Variants in CDC42BPA observed in about 807,000 individuals in gnomAD.
CDC42BPA encodes the protein CDC42 binding protein kinase alpha, also known as serine/threonine-protein kinase MRCK alpha.
A neutral mutation model predicts 223.5 loss-of-function variants in CDC42BPA; 80 were observed. The observed-to-expected ratio is 0.36, with a 90% CI of 0.30 to 0.43. The LOEUF is 0.43. CDC42BPA is among the 20% of genes least tolerant of loss of function. CDC42BPA has a pLI of 1.00. For synonymous variants in CDC42BPA, 694 were observed against 718.6 expected (o/e 0.97, Z 0.55); for missense variants, 1,743 against 2,099.9 (o/e 0.83, Z 3.32).
chr1:227,257,127 G>T (rs1035937716), intron 1 of CDC42BPA, among the ~76,000 whole-genome samples: 2 of 152,050 alleles, frequency 1.3e-5, no homozygotes, highest in Admixed American at 6.6e-5. Context: ...GAAATATCTA[G>T]AATAGGCAAA....
At chr1:227,201,519 T>G (rs930742390) in intron 3 of CDC42BPA, among the ~76,000 whole-genome samples, 1 of 152,172 alleles carries the variant, frequency 6.6e-6, no homozygotes. Context: ...TGACAGAAAC[T>G]TCAAAGATAA....
At chr1:227,222,315 C>A (rs1016500590) in intron 2 of CDC42BPA, among the ~76,000 whole-genome samples, 1 of 152,128 alleles carries the variant, frequency 6.6e-6, no homozygotes, top group Non-Finnish European at 1.5e-5. Context: ...TTGAGACCAG[C>A]CTGGCCAACT....
chr1:227,097,887 C>T (rs903646438), intron 15 of CDC42BPA, among the ~76,000 whole-genome samples: 7 of 152,160 alleles, frequency 4.6e-5, no homozygotes, highest in African/African-American at 1.7e-4. Context: ...CCCACAGAAG[C>T]ATGCCAAGTC....
At chr1:227,287,643 C>CTAGGCAGAGGG (rs1689022117) in intron 1 of CDC42BPA, among the ~76,000 whole-genome samples, 1 of 152,102 alleles carries the variant, frequency 6.6e-6, no homozygotes, top group Non-Finnish European at 1.5e-5. Context: ...TAGGCAGAGG[C>CTAGGCAGAGGG]TAGGCAGAGG....
rs549533707 is a variant in CDC42BPA, at chr1:227,160,711, A to G, written c.600-75T>C. On this transcript the variant is annotated intron_variant, in intron 5 of 36. Transcript: ENST00000366766. ...TGTTTGGTAAGATATTCTTTTTGTC[A>G]GAAAAAAATCTCAACTTATTTTAAA... 3.9e-4 allele frequency: 323 copies of G among 826,246 alleles called. 2 individuals are homozygous for G. In the African/African-American group the frequency reaches 5.3e-3, roughly 14 times the overall value. The allele number at this position is 826,246 out of a possible 1,614,324, so 51.2% of individuals were successfully genotyped here. A position where few individuals can be genotyped will look rare whatever the true frequency, so the allele number is the denominator to read the frequency against.
Position 226,993,317 on chromosome 1 carries a change from C to T in CDC42BPA, c.*951G>A, listed in dbSNP as rs1215672553. 2.0e-5 allele frequency: 3 copies of T among 152,164 alleles called. No homozygotes were observed. The highest frequency in any genetic ancestry group is 2.9e-5 in the Non-Finnish European group (2 of 68,020). The allele number at this position is 152,164 out of a possible 1,614,324, so 9.4% of individuals were successfully genotyped here. Reference sequence around the variant, plus strand: ...ACATTTATCTGCGGAAGATAAAATACAATAAAAAGTGAGAAGTGTTCAAAT... The same window carrying T: ...ACATTTATCTGCGGAAGATAAAATATAATAAAAAGTGAGAAGTGTTCAAAT... On this transcript the variant is annotated 3_prime_UTR_variant, in exon 37 of 37. Coordinates refer to ENST00000366766, the MANE Select transcript of CDC42BPA (RefSeq NM_001394014.1).
Position 227,215,623 on chromosome 1 carries a change from G to A in CDC42BPA, c.271-2404C>T, listed in dbSNP as rs574620160. On this transcript the variant is annotated intron_variant, in intron 2 of 36. Coordinates refer to ENST00000366766, the MANE Select transcript of CDC42BPA (RefSeq NM_001394014.1). ...ATTTCAAGTTTTTCAAGGGTCTGGT[G>A]CTTAGTAAGCATTCAATAAGTGTTA... Among the ~76,000 whole-genome samples, 25 of 152,194 alleles carry A rather than the reference G, an allele frequency of 1.6e-4. No individual in the cohort carries two copies. In the South Asian group the frequency reaches 5.0e-3, roughly 30 times the overall value.
intron 1 of CDC42BPA, among the ~76,000 whole-genome samples, chr1:227,315,955 CAAAAAAA>C (rs71180728): frequency 4.5e-5 from 5 of 110,966 alleles, no homozygotes; most frequent in Non-Finnish European, 9.2e-5. Flanking sequence ...ATTTCAAATC[CAAAAAAA>C]AAAAAAAAAA....
At chr1:227,241,441 G>A (rs1388944985) in intron 2 of CDC42BPA, among the ~76,000 whole-genome samples, 3 of 152,036 alleles carry the variant, frequency 2.0e-5, no homozygotes, top group Admixed American at 6.6e-5. Flanking sequence ...GGAAACAAAT[G>A]TTCATCAATA....
rs974104087 is a variant in CDC42BPA at position 226,993,635 on chromosome 1, A to G, written c.*633T>C. The G allele has an allele frequency of 1.3e-5, 2 of 152,704 alleles. No homozygotes were observed. Among genetic ancestry groups the G allele is most frequent in the East Asian group, 3.8e-4 (2 of 5,206 alleles). 9.5% of individuals were successfully genotyped at this position (152,704 alleles called of 1,614,324 possible). A position where few individuals can be genotyped will look rare whatever the true frequency, so the allele number is the denominator to read the frequency against. Reference sequence around the variant, plus strand: ...AGACAAGAAACAACATATTTCTTTAAATTAAATCATCTCTCTTATATATGC... The same window carrying G: ...AGACAAGAAACAACATATTTCTTTAGATTAAATCATCTCTCTTATATATGC... On this transcript the variant is annotated 3_prime_UTR_variant, in exon 37 of 37. Transcript: ENST00000366766.
chr1:227,241,687 G>A (rs1680048239), intron 2 of CDC42BPA, among the ~76,000 whole-genome samples: 1 of 152,184 alleles, frequency 6.6e-6, no homozygotes, highest in South Asian at 2.1e-4. Context: ...GGGAACCAAC[G>A]AGGAAGAAAA....
intron 1 of CDC42BPA, among the ~76,000 whole-genome samples, chr1:227,310,301 A>G (rs920207433): frequency 2.0e-5 from 3 of 152,210 alleles, no homozygotes; most frequent in Non-Finnish European, 4.4e-5. Flanking sequence ...CCCTTGCTCA[A>G]GCATCTATTA....
chr1:227,308,529 C>T (rs1238554202), intron 1 of CDC42BPA, among the ~76,000 whole-genome samples: 1 of 96,266 alleles, frequency 1.0e-5, no homozygotes, highest in Non-Finnish European at 2.5e-5. Flanking sequence ...AAAAAAAAAA[C>T]AGAATGGGAA....
At chr1:227,240,128 T>C (rs1207365912) in intron 2 of CDC42BPA, among the ~76,000 whole-genome samples, 1 of 152,138 alleles carries the variant, frequency 6.6e-6, no homozygotes, top group East Asian at 1.9e-4. Flanking sequence ...ATTATCTACA[T>C]ATTAGCAGCA....
intron 1 of CDC42BPA, among the ~76,000 whole-genome samples, chr1:227,260,795 A>G (rs1683904698): frequency 6.6e-6 from 1 of 151,012 alleles, no homozygotes; most frequent in South Asian, 2.1e-4. Flanking sequence ...CTGCAATGGA[A>G]TAACATAAGA....
chr1:227,194,819 G>A (rs556973915), intron 4 of CDC42BPA, among the ~76,000 whole-genome samples: 1 of 152,290 alleles, frequency 6.6e-6, no homozygotes, highest in South Asian at 2.1e-4. Flanking sequence ...CTGACTCCAT[G>A]TTGTAAGTGG....
At chr1:227,053,847 G>A (rs565680123) in intron 21 of CDC42BPA, among the ~76,000 whole-genome samples, 1 of 152,264 alleles carries the variant, frequency 6.6e-6, no homozygotes, top group South Asian at 2.1e-4. Context: ...TATGAAATAT[G>A]ACTCTGAGTT....
intron 3 of CDC42BPA, among the ~76,000 whole-genome samples, chr1:227,202,013 T>C (rs1480302383): frequency 6.6e-6 from 1 of 152,226 alleles, no homozygotes; most frequent in Non-Finnish European, 1.5e-5. Context: ...TTCTTTTTTC[T>C]CGCTCTGTCG....
At chr1:227,311,792 A>G (rs1693586630) in intron 1 of CDC42BPA, among the ~76,000 whole-genome samples, 1 of 151,246 alleles carries the variant, frequency 6.6e-6, no homozygotes. Flanking sequence ...CACAGTATTC[A>G]TTCTCATTCT....
Sources: allele counts gnomAD v4.1 joint callset (sites outside exome capture counted in the v4.1 genomes callset), GRCh38; gene constraint gnomAD v4.1.1; transcripts MANE v1.5; gene names NCBI Gene and HGNC (gene_info 2026-07-23, HGNC 2026-07-21).